The following PARD3B variants were observed in gnomAD, a reference collection of about 807,000 sequenced individuals.
PARD3B encodes partitioning defective 3 homolog B.
Under a neutral mutation model 130.2 loss-of-function variants are expected in PARD3B, and 103 were observed. The observed-to-expected ratio is 0.79, with a 90% confidence interval of 0.67 to 0.93. PARD3B has a LOEUF of 0.93. Among genes scored for constraint, PARD3B ranks in the 40% least tolerant of loss-of-function variants. The pLI is 0.00. For synonymous variants in PARD3B, 583 were observed against 553.2 expected (o/e 1.05, Z -0.76); for missense variants, 1,609 against 1,499.2 (o/e 1.07, Z -1.21).
At chr2:205,150,252 T>TGTGCGCGC (rs375301293) in intron 10 of PARD3B, among the ~76,000 whole-genome samples, 2,475 of 145,810 alleles carry the variant, frequency 0.017, 63 homozygotes, top group African/African-American at 0.054. Context: ...TGTGTGTGTG[T>TGTGCGCGC]GCACACACGC....
chr2:205,363,830 G>C (rs2044490092), intron 18 of PARD3B, among the ~76,000 whole-genome samples: 1 of 120,862 alleles, frequency 8.3e-6, no homozygotes, highest in Non-Finnish European at 1.6e-5. Context: ...ACGCCTGACT[G>C]ACTTTTTTTT....
At chr2:204,946,207 T>C (rs1171832602) in intron 2 of PARD3B, among the ~76,000 whole-genome samples, 2 of 152,180 alleles carry the variant, frequency 1.3e-5, no homozygotes, top group Non-Finnish European at 2.9e-5. Context: ...AAATGAGGAG[T>C]TGTATGCTCA....
At position 205,523,389 on chromosome 2, in the gene PARD3B, G is replaced by A. The variant is rs542586265; in HGVS notation, c.3180+23358G>A. Among the ~76,000 whole-genome samples, 136 of 151,450 alleles carry A rather than the reference G, an allele frequency of 9.0e-4. 1 individual carries two copies. In the South Asian group the frequency reaches 0.011, roughly 12 times the overall value. On this transcript the variant is annotated intron_variant, in intron 21 of 22. Coordinates refer to ENST00000406610, the MANE Select transcript of PARD3B (RefSeq NM_001302769.2). ...CTCCTGAGTAGCTGGGATTACAGGC[G>A]CCCACCACCATGCCCAACTAATTTT...
At chr2:205,545,303 A>C (rs2052336014) in intron 21 of PARD3B, among the ~76,000 whole-genome samples, 1 of 152,342 alleles carries the variant, frequency 6.6e-6, no homozygotes, top group Admixed American at 6.5e-5. Flanking sequence ...CTGAAAGCCA[A>C]GTTTATAACT....
intron 2 of PARD3B, among the ~76,000 whole-genome samples, chr2:204,699,057 G>A (rs567484713): frequency 6.6e-6 from 1 of 152,154 alleles, no homozygotes; most frequent in South Asian, 2.1e-4. Context: ...CTTCCCCTTA[G>A]CTGTGAAGAA....
chr2:204,661,321 C>G (rs2035800879), intron 1 of PARD3B, among the ~76,000 whole-genome samples: 1 of 152,146 alleles, frequency 6.6e-6, no homozygotes, highest in Non-Finnish European at 1.5e-5. Flanking sequence ...TTCCCTTCCC[C>G]TTTGCTTGTG....
chr2:205,526,415 T>A (rs1229119410), intron 21 of PARD3B, among the ~76,000 whole-genome samples: 3 of 152,210 alleles, frequency 2.0e-5, no homozygotes, highest in Non-Finnish European at 2.9e-5. Flanking sequence ...TACTTGCCTT[T>A]GTGGCCCCTT....
intron 2 of PARD3B, among the ~76,000 whole-genome samples, chr2:204,962,539 A>G (rs1276284297): frequency 1.3e-5 from 2 of 152,220 alleles, no homozygotes; most frequent in Non-Finnish European, 2.9e-5. Flanking sequence ...AAAAACCAGC[A>G]TGCATTCTGT....
chr2:204,857,086 CTTA>C (rs995999955), intron 2 of PARD3B, among the ~76,000 whole-genome samples: 13 of 152,214 alleles, frequency 8.5e-5, no homozygotes, highest in Admixed American at 7.9e-4. Context: ...GAATCTCTCA[CTTA>C]TTATCAGTTA....
chr2:205,004,273 A>G (rs1156714372), intron 3 of PARD3B, among the ~76,000 whole-genome samples: 1 of 152,186 alleles, frequency 6.6e-6, no homozygotes, highest in Non-Finnish European at 1.5e-5. Flanking sequence ...AGTGCAGATG[A>G]TGAGAAATAT....
At chr2:205,213,535 G>A (rs1260597044) in intron 15 of PARD3B, among the ~76,000 whole-genome samples, 1 of 152,156 alleles carries the variant, frequency 6.6e-6, no homozygotes, top group African/African-American at 2.4e-5. Flanking sequence ...CACGATGATT[G>A]ATTTGGCTCA....
chr2:204,968,506 C>G (rs1691442458), intron 3 of PARD3B, among the ~76,000 whole-genome samples: 1 of 152,176 alleles, frequency 6.6e-6, no homozygotes, highest in African/African-American at 2.4e-5. Flanking sequence ...TCTCTGCCCA[C>G]CTTTATTGCT....
intron 10 of PARD3B, among the ~76,000 whole-genome samples, chr2:205,154,073 G>GC: frequency 6.6e-6 from 1 of 152,158 alleles, no homozygotes; most frequent in East Asian, 1.9e-4. Context: ...AAGAGCTTCT[G>GC]CACAGCAAAA....
intron 2 of PARD3B, among the ~76,000 whole-genome samples, chr2:204,761,601 A>C (rs2040899903): frequency 6.7e-6 from 1 of 149,124 alleles, no homozygotes; most frequent in Admixed American, 6.7e-5. Context: ...AAAATTACAA[A>C]AAAAAAAAAT....
At chr2:204,578,437 G>A (rs1315043512) in intron 1 of PARD3B, among the ~76,000 whole-genome samples, 1 of 152,144 alleles carries the variant, frequency 6.6e-6, no homozygotes, top group African/African-American at 2.4e-5. Context: ...CATCGGTGTG[G>A]TGAATACTTC....
At chr2:204,914,370 G>T (rs1196733730) in intron 2 of PARD3B, among the ~76,000 whole-genome samples, 1 of 152,144 alleles carries the variant, frequency 6.6e-6, no homozygotes, top group East Asian at 1.9e-4. Context: ...ATAATAGTTA[G>T]GAAGTCAAAG....
At position 205,229,700 on chromosome 2, in the gene PARD3B, G is replaced by A. The variant is rs972418031; in HGVS notation, c.2141-16078G>A. 6.6e-6 allele frequency among the ~76,000 whole-genome samples: 1 copy of A among 151,958 alleles called. No individual in the cohort carries two copies. Among genetic ancestry groups the A allele is most frequent in the East Asian group, 1.9e-4 (1 of 5,144 alleles). The stretch of plus-strand genomic sequence containing the variant: ...CATTTGCTTAGGACACTAGAGCTCC[G>A]CAATAAGCAGGTGGTAAAGCCACCC... On this transcript the variant is annotated intron_variant, in intron 15 of 22. Transcript: ENST00000406610. The surrounding 1 kb of genome is among the most constrained non-coding windows in gnomAD (Gnocchi z 5.2).
At chr2:205,232,506 C>A (rs1347809038) in intron 15 of PARD3B, among the ~76,000 whole-genome samples, 1 of 151,870 alleles carries the variant, frequency 6.6e-6, no homozygotes, top group Non-Finnish European at 1.5e-5. Context: ...GGTAAAATTT[C>A]TAATATCTGG....
At chr2:204,716,086 T>G (rs770781584) in intron 2 of PARD3B, among the ~76,000 whole-genome samples, 2 of 152,214 alleles carry the variant, frequency 1.3e-5, no homozygotes, top group Non-Finnish European at 2.9e-5. Flanking sequence ...AACTAATTAT[T>G]AATTGCATTT....
Sources: gnomAD v4.1 joint callset for allele counts (sites outside exome capture counted in the v4.1 genomes callset) on GRCh38, gnomAD v4.1.1 for gene constraint, Gnocchi (gnomAD v3.1) non-coding constraint, MANE v1.5 for transcripts, NCBI Gene and HGNC (gene_info 2026-07-23, HGNC 2026-07-21) for gene names.